The following SCAPER variants were observed in gnomAD, a reference collection of about 807,000 sequenced individuals.
The protein encoded by SCAPER is S phase cyclin A-associated protein in the endoplasmic reticulum.
SCAPER carries 98 observed loss-of-function variants against 182.2 expected under a neutral mutation model. That is an observed-to-expected ratio of 0.54 (90% CI 0.46 to 0.64). SCAPER has a LOEUF of 0.64. Ranked by LOEUF, SCAPER falls within the 30% of genes least tolerant of loss-of-function variation. SCAPER has a pLI of 0.00. For missense variants in SCAPER, 1,432 were observed against 1,690.0 expected, an observed-to-expected ratio of 0.85 and a Z score of 2.68; for synonymous variants, 605 against 564.6, an observed-to-expected ratio of 1.07 and a Z score of -1.01.
chr15:76,434,775 A>C (rs1191453839), intron 25 of SCAPER, among the ~76,000 whole-genome samples: 1 of 152,238 alleles, frequency 6.6e-6, no homozygotes, highest in Non-Finnish European at 1.5e-5. Flanking sequence ...TTCCTACTAC[A>C]AAATGGCAAA....
Position 76,532,004 on chromosome 15 carries a change from C to T in SCAPER, c.2839-27030G>A, listed in dbSNP as rs140907646. On this transcript the variant is annotated intron_variant, in intron 23 of 31. Transcript: ENST00000563290. ...TCCTACTCCCCACCAGGTATCCTTG[C>T]TCTCATCTCAACTTTTTTTAAAAAA... Among the ~76,000 whole-genome samples, 10 of 152,332 alleles carry T rather than the reference C, an allele frequency of 6.6e-5. No individual in the cohort carries two copies. The East Asian group carries it at 1.7e-3, about 26-fold the overall frequency.
At chr15:76,600,307 G>A (rs1369167554) in intron 22 of SCAPER, among the ~76,000 whole-genome samples, 1 of 115,834 alleles carries the variant, frequency 8.6e-6, no homozygotes, top group East Asian at 2.3e-4. Context: ...AATCCCAAAG[G>A]CAGAAATCAC....
At chr15:76,745,116 T>C (rs890901319) in intron 15 of SCAPER, among the ~76,000 whole-genome samples, 6 of 151,856 alleles carry the variant, frequency 4.0e-5, no homozygotes, top group Admixed American at 6.6e-5. Flanking sequence ...ATGGGAACAA[T>C]AGATACTGCA....
chr15:76,507,034 A>G (rs1473508750), intron 23 of SCAPER, among the ~76,000 whole-genome samples: 3 of 152,178 alleles, frequency 2.0e-5, no homozygotes, highest in African/African-American at 7.2e-5. Flanking sequence ...GTAAAAAATA[A>G]GATAGCAACT....
At chr15:76,359,164 C>T (rs1329133730) in intron 29 of SCAPER, among the ~76,000 whole-genome samples, 1 of 152,220 alleles carries the variant, frequency 6.6e-6, no homozygotes, top group Non-Finnish European at 1.5e-5. Flanking sequence ...AGCCCCCTCC[C>T]AGTGTGAGGC....
At chr15:76,785,683 A>T (rs2064534925) in intron 8 of SCAPER, among the ~76,000 whole-genome samples, 1 of 152,240 alleles carries the variant, frequency 6.6e-6, no homozygotes, top group South Asian at 2.1e-4. Context: ...CACACCACGG[A>T]ATACTATGCA....
intron 23 of SCAPER, among the ~76,000 whole-genome samples, chr15:76,528,036 G>C (rs1389065478): frequency 6.6e-6 from 1 of 151,902 alleles, no homozygotes; most frequent in African/African-American, 2.4e-5. Flanking sequence ...TTTAAATCAG[G>C]GGTCAACAAA....
chr15:76,438,005 G>C (rs549765475), intron 25 of SCAPER, among the ~76,000 whole-genome samples: 1 of 152,216 alleles, frequency 6.6e-6, no homozygotes, highest in Admixed American at 6.5e-5. Context: ...AAAATGGGCC[G>C]GGCACAGTGG....
chr15:76,770,283 A>G (rs1280521837), intron 10 of SCAPER, among the ~76,000 whole-genome samples: 1 of 152,046 alleles, frequency 6.6e-6, no homozygotes, highest in Non-Finnish European at 1.5e-5. Context: ...CAGCAAACCA[A>G]CATGGCACAT....
At chr15:76,810,932 T>C (rs184033587) in intron 5 of SCAPER, among the ~76,000 whole-genome samples, 1 of 151,972 alleles carries the variant, frequency 6.6e-6, no homozygotes, top group East Asian at 1.9e-4. Flanking sequence ...TCCAGAGAAA[T>C]GAAGGTCCTT....
intron 29 of SCAPER, among the ~76,000 whole-genome samples, chr15:76,368,633 C>T (rs1218653932): frequency 6.6e-6 from 1 of 152,184 alleles, no homozygotes; most frequent in African/African-American, 2.4e-5. Flanking sequence ...TCAGCATGGA[C>T]TTCACTAGAG....
At chr15:76,720,522 T>C (rs1043149611) in intron 17 of SCAPER, among the ~76,000 whole-genome samples, 2 of 152,208 alleles carry the variant, frequency 1.3e-5, no homozygotes, top group African/African-American at 2.4e-5. Context: ...CCACAATGGT[T>C]GAACTAGTTT....
intron 15 of SCAPER, among the ~76,000 whole-genome samples, chr15:76,752,516 T>C (rs779544897): frequency 7.2e-5 from 11 of 151,742 alleles, no homozygotes; most frequent in Non-Finnish European, 1.5e-4. Flanking sequence ...AAGCAAAATG[T>C]GGTACATACA....
At chr15:76,455,737 C>T (rs2048682673) in intron 25 of SCAPER, among the ~76,000 whole-genome samples, 1 of 152,060 alleles carries the variant, frequency 6.6e-6, no homozygotes, top group South Asian at 2.1e-4. Flanking sequence ...ATACACGTGC[C>T]GTGGTGGTTT....
At chr15:76,461,765 C>A (rs1177786860) in intron 25 of SCAPER, among the ~76,000 whole-genome samples, 3 of 152,168 alleles carry the variant, frequency 2.0e-5, no homozygotes, top group East Asian at 3.8e-4. Flanking sequence ...TAATGCACAT[C>A]TTCTTTCTCT....
At chr15:76,723,590 A>G (rs539129703) in intron 17 of SCAPER, among the ~76,000 whole-genome samples, 3 of 152,190 alleles carry the variant, frequency 2.0e-5, no homozygotes, top group African/African-American at 4.8e-5. Flanking sequence ...GTCTCTAAGG[A>G]CTTGCTTTAT....
chr15:76,826,789 T>C (rs1399428026), intron 5 of SCAPER, among the ~76,000 whole-genome samples: 2 of 152,228 alleles, frequency 1.3e-5, no homozygotes, highest in African/African-American at 2.4e-5. Flanking sequence ...TCATTAAATG[T>C]GGTTGAATAA....
At position 76,574,258 on chromosome 15, in the gene SCAPER, A is replaced by T; in HGVS notation, c.2738T>A (p.Leu913Gln). Reference protein sequence around the residue: ...AKLQRLAKDLLKQVQVQDSGS... With the variant: ...AKLQRLAKDLQKQVQVQDSGS... ...ACTGTCTTGAACTTGTACTTGTTTT[A>T]GAAGATCTTTGGCTAATCGCTGAAG... is the stretch of plus-strand genomic sequence containing the variant. The change falls in exon 23 of 32, where the codon CTA (leucine) becomes CAA (glutamine). Residue 913 changes from leucine (L) to glutamine (Q), a missense_variant. Leu to Gln is a moderately radical substitution (Grantham distance 113). Around this residue, in one of 5 missense-constraint regions of SCAPER, gnomAD observed 718 missense variants for 799.7 expected, o/e 0.90. Coordinates refer to ENST00000563290, the MANE Select transcript of SCAPER (RefSeq NM_020843.4). The T allele has an allele frequency of 6.2e-7, 1 of 1,611,840 alleles. No individual in the cohort carries two copies. The highest frequency in any genetic ancestry group is 1.1e-5 in the South Asian group (1 of 90,818).
At position 76,840,119 on chromosome 15, in the gene SCAPER, C is replaced by T. The variant is rs183467758; in HGVS notation, c.393+1615G>A. ...TATGATTTTACTTAAAAATGTTTTT[C>T]TTTAAACATAAAAAGTGGCTGGGCA... On this transcript the variant is annotated intron_variant, in intron 5 of 31. Transcript: ENST00000563290. 2.8e-3 allele frequency among the ~76,000 whole-genome samples: 425 copies of T among 152,194 alleles called. 1 individual carries two copies. Among genetic ancestry groups the T allele is most frequent in the Non-Finnish European group, 5.2e-3 (353 of 67,996 alleles).
Sources: allele counts gnomAD v4.1 joint callset (sites outside exome capture counted in the v4.1 genomes callset), GRCh38; gene constraint gnomAD v4.1.1; regional missense constraint gnomAD v4.1.1; transcripts MANE v1.5; gene names NCBI Gene and HGNC (gene_info 2026-07-23, HGNC 2026-07-21).